COL19A1: variants seen among roughly 807,000 people sequenced by gnomAD.
The protein encoded by COL19A1 is collagen type XIX alpha 1 chain, also known as collagen alpha-1(XIX) chain.
COL19A1 carries 159 observed loss-of-function variants against 190.2 expected under a neutral mutation model. The ratio of observed to expected loss-of-function variants is 0.84; its 90% CI spans 0.73 to 0.95. COL19A1 has a LOEUF of 0.95. Among genes scored for constraint, COL19A1 ranks in the 40% least tolerant of loss-of-function variants. COL19A1 has a pLI of 0.00. For missense variants in COL19A1, 1,418 were observed against 1,431.9 expected, an observed-to-expected ratio of 0.99 and a Z score of 0.16; for synonymous variants, 509 against 458.9, an observed-to-expected ratio of 1.11 and a Z score of -1.39.
chr6:70,076,096 G>A (rs981458132), intron 15 of COL19A1, among the ~76,000 whole-genome samples: 3 of 152,240 alleles, frequency 2.0e-5, no homozygotes, highest in East Asian at 1.9e-4. Context: ...CCTCTGAGCC[G>A]AGTGGCTGAG....
chr6:69,947,540 T>C (rs922635599), intron 9 of COL19A1, among the ~76,000 whole-genome samples: 4 of 151,930 alleles, frequency 2.6e-5, no homozygotes, highest in Admixed American at 1.3e-4. Context: ...AGTTCTCATA[T>C]GTTGATGCTA....
intron 2 of COL19A1, among the ~76,000 whole-genome samples, chr6:69,894,923 A>G (rs2149965080): frequency 6.6e-6 from 1 of 152,274 alleles, no homozygotes; most frequent in East Asian, 1.9e-4. Context: ...GGGGGAAAAT[A>G]TCTTTAAGGC....
chr6:70,084,357 A>G (rs543082044), intron 15 of COL19A1, among the ~76,000 whole-genome samples: 55 of 152,326 alleles, frequency 3.6e-4, no homozygotes, highest in Non-Finnish European at 7.5e-4. Context: ...GTTCAAGTCT[A>G]TGGCCGAATT....
intron 16 of COL19A1, among the ~76,000 whole-genome samples, chr6:70,106,346 G>GTA (rs1783964980): frequency 1.3e-5 from 2 of 151,990 alleles, no homozygotes; most frequent in African/African-American, 4.8e-5. Context: ...GTGTGTGTGT[G>GTA]TGTGTGTGTG....
chr6:70,059,296 C>T (rs1211680254), intron 14 of COL19A1, among the ~76,000 whole-genome samples: 1 of 152,072 alleles, frequency 6.6e-6, no homozygotes, highest in Admixed American at 6.6e-5. Flanking sequence ...ATGAAACTTC[C>T]CTTTTTCACT....
intron 14 of COL19A1, among the ~76,000 whole-genome samples, chr6:70,062,481 C>A (rs1780897211): frequency 1.3e-5 from 2 of 152,066 alleles, no homozygotes; most frequent in South Asian, 2.1e-4. Context: ...CTGAAGGAAG[C>A]ACTAAACATG....
At chr6:70,130,694 G>T (rs1242000654) in intron 18 of COL19A1, among the ~76,000 whole-genome samples, 1 of 152,242 alleles carries the variant, frequency 6.6e-6, no homozygotes, top group African/African-American at 2.4e-5. Context: ...AGTAGGATTC[G>T]AATCTGCTTC....
At chr6:70,202,087 C>T (rs1269213848) in intron 49 of COL19A1, among the ~76,000 whole-genome samples, 1 of 152,110 alleles carries the variant, frequency 6.6e-6, no homozygotes, top group East Asian at 1.9e-4. Flanking sequence ...CTGAATTAGT[C>T]CTCTTAATGA....
chr6:70,065,272 G>A (rs984718909), intron 14 of COL19A1, among the ~76,000 whole-genome samples: 4 of 151,918 alleles, frequency 2.6e-5, no homozygotes, highest in Non-Finnish European at 5.9e-5. Flanking sequence ...ATAGACCAAC[G>A]GAACAGAACA....
intron 1 of COL19A1, among the ~76,000 whole-genome samples, chr6:69,878,817 G>C (rs76493663): frequency 7.6e-4 from 115 of 152,226 alleles, no homozygotes; most frequent in African/African-American, 2.4e-3. Context: ...GTCCATTGAT[G>C]GATGAACAGA....
chr6:70,151,331 G>C lies in COL19A1; in HGVS notation c.2038-66G>C, dbSNP rs1240252233. 9 of 1,479,626 alleles carry C rather than the reference G, an allele frequency of 6.1e-6. No individual in the cohort carries two copies. In the South Asian group the frequency reaches 7.0e-5, roughly 11 times the overall value. The allele number at this position is 1,479,626 out of a possible 1,614,324, so 91.7% of individuals were successfully genotyped here. ...TGAGGAAAAATGTCTACATTATACT[G>C]TATGTTTATATTGTATTGTGTTCAT... is the stretch of plus-strand genomic sequence containing the variant. On this transcript the variant is annotated intron_variant, in intron 30 of 50. Coordinates refer to ENST00000620364, the MANE Select transcript of COL19A1 (RefSeq NM_001858.6).
chr6:69,892,876 T>C (rs1769447931), intron 2 of COL19A1, among the ~76,000 whole-genome samples: 1 of 152,252 alleles, frequency 6.6e-6, no homozygotes, highest in African/African-American at 2.4e-5. Context: ...CTTTCTCCAA[T>C]TGTGTCCTGC....
At chr6:70,139,908 G>A (rs148771878) in intron 19 of COL19A1, among the ~76,000 whole-genome samples, 8 of 150,420 alleles carry the variant, frequency 5.3e-5, no homozygotes, top group African/African-American at 2.0e-4. Flanking sequence ...AGACAACTAG[G>A]CTCCCGGGTT....
intron 11 of COL19A1, among the ~76,000 whole-genome samples, chr6:69,972,458 T>C (rs1022465695): frequency 6.6e-6 from 1 of 152,212 alleles, no homozygotes; most frequent in African/African-American, 2.4e-5. Context: ...ACAAAAGTAT[T>C]CAATTAATTC....
Position 70,144,936 on chromosome 6 carries a change from A to G in COL19A1, c.1699A>G (p.Ile567Val), listed in dbSNP as rs1255872726. ...KGEKGDPGGIIGPPGLPGPKG... is the reference protein window; with the variant it reads ...KGEKGDPGGIVGPPGLPGPKG... The stretch of plus-strand genomic sequence containing the variant: ...TCTACAGGGAGATCCGGGTGGGATC[A>G]TAGGCCCTCCCGGGCTTCCAGGTCC... Residue 567 changes from isoleucine to valine, a missense_variant, in exon 25 of 51, where the codon ATA becomes GTA. Transcript: ENST00000620364. 1 of 1,583,532 alleles carries G rather than the reference A, an allele frequency of 6.3e-7. No homozygotes were observed.
chr6:70,117,685 G>A (rs922309786), intron 16 of COL19A1, among the ~76,000 whole-genome samples: 25 of 152,100 alleles, frequency 1.6e-4, no homozygotes, highest in Admixed American at 8.5e-4. Flanking sequence ...GTTTCTCCCT[G>A]GAGTTCATTA....
chr6:70,172,810 C>G (rs1583083044), intron 41 of COL19A1, among the ~76,000 whole-genome samples: 1 of 152,092 alleles, frequency 6.6e-6, no homozygotes, highest in Non-Finnish European at 1.5e-5. Flanking sequence ...GCAGAGCCAT[C>G]GGTGATTTCT....
chr6:69,970,831 G>C (rs942209216), intron 11 of COL19A1, among the ~76,000 whole-genome samples: 13 of 152,272 alleles, frequency 8.5e-5, no homozygotes, highest in African/African-American at 2.9e-4. Flanking sequence ...AAAAAATAAA[G>C]AGAACAGATG....
intron 4 of COL19A1, among the ~76,000 whole-genome samples, chr6:69,927,334 T>C (rs1453466540): frequency 6.6e-6 from 1 of 152,130 alleles, no homozygotes; most frequent in East Asian, 1.9e-4. Context: ...ATATAAAATA[T>C]AAAGATGTGA....
Sources: gnomAD v4.1 joint callset for allele counts (sites outside exome capture counted in the v4.1 genomes callset) on GRCh38, gnomAD v4.1.1 for gene constraint, MANE v1.5 for transcripts, NCBI Gene and HGNC (gene_info 2026-07-23, HGNC 2026-07-21) for gene names.